HYLS1: variants seen among roughly 807,000 people sequenced by gnomAD.
HYLS1 encodes HYLS1 centriolar and ciliogenesis associated.
A neutral mutation model predicts 29.4 loss-of-function variants in HYLS1; 25 were observed. The observed-to-expected ratio is 0.85, with a 90% CI of 0.62 to 1.19. HYLS1 has a LOEUF of 1.19. Among genes scored for constraint, HYLS1 ranks in the 50% most tolerant of loss-of-function variants. The pLI, the probability that HYLS1 is intolerant of heterozygous loss-of-function variation, is 0.00. For missense variants in HYLS1, 352 were observed against 365.1 expected (o/e 0.96, Z 0.29); for synonymous variants, 128 against 126.7 (o/e 1.01, Z -0.07).
chr11:125,900,073 G>A lies in HYLS1; in HGVS notation c.705G>A (p.Lys235=). The change falls in exon 3 of 3, where the codon AAG becomes AAA. Residue 235 remains lysine, a synonymous_variant. Coordinates refer to ENST00000425380, the MANE Select transcript of HYLS1 (RefSeq NM_001134793.2). ...SIRLPGEDHR[K]ELRWGVREQM... is the part of the protein sequence containing the mutation. ...GTTTACCTGGTGAAGATCATAGAAA[G>A]GAATTACGCTGGGGTGTCCGAGAGC... The A allele has an allele frequency of 6.2e-7, 1 of 1,614,194 alleles. No homozygotes were observed. The highest frequency in any genetic ancestry group is 2.2e-5 in the East Asian group (1 of 44,884).
At chr11:125,894,055 C>T in intron 2 of HYLS1, 1 of 1,614,180 alleles carries the variant, frequency 6.2e-7, no homozygotes. Flanking sequence ...TGACAGAGGG[C>T]TTAACATTTC....
chr11:125,890,477 AC>A (rs1225214499), intron 1 of HYLS1, among the ~76,000 whole-genome samples: 4 of 152,004 alleles, frequency 2.6e-5, no homozygotes, highest in African/African-American at 9.7e-5. Flanking sequence ...CTGCTTGCTT[AC>A]CTCCCCAGAG....
chr11:125,895,770 C>T lies in HYLS1; in HGVS notation c.-25-3574C>T, dbSNP rs755362051. 8 of 1,601,820 alleles carry T rather than the reference C, an allele frequency of 5.0e-6. No homozygotes were observed. The highest frequency in any genetic ancestry group is 4.5e-5 in the East Asian group (2 of 44,878). On this transcript the variant is annotated intron_variant, in intron 2 of 2. Coordinates refer to ENST00000425380, the MANE Select transcript of HYLS1 (RefSeq NM_001134793.2). ...ATCCCTGCCCCTTGGAAACTGAGAG[C>T]GAAGGTCAAGTGAGATCACCTGTGG...
Position 125,900,467 on chromosome 11 carries a change from G to T in HYLS1, c.*199G>T. 1 of 584,362 alleles carries T rather than the reference G, an allele frequency of 1.7e-6. No individual in the cohort carries two copies. The highest frequency in any genetic ancestry group is 3.1e-5 in the East Asian group (1 of 32,526). The allele number at this position is 584,362 out of a possible 1,614,324, so 36.2% of individuals were successfully genotyped here. A position where few individuals can be genotyped will look rare whatever the true frequency, so the allele number is the denominator to read the frequency against. On this transcript the variant is annotated 3_prime_UTR_variant, in exon 3 of 3. Transcript: ENST00000425380. ...AAATTGCCACTCAAATCCAGCAATT[G>T]CAAGATAAATCATATCAGAGAAAGA...
At position 125,887,735 on chromosome 11, in the gene HYLS1, G is replaced by A. The variant is rs1237040514; in HGVS notation, c.-106G>A. ...GTGCTCTGCTGGCGACTGGCAGGAC[G>A]CGGTGCAGAGAGCGGACTTCCGCGA... On this transcript the variant is annotated 5_prime_UTR_variant, in exon 1 of 3. Transcript: ENST00000425380. 3 of 152,294 alleles carry A rather than the reference G, an allele frequency of 2.0e-5. No individual in the cohort carries two copies. Among genetic ancestry groups the A allele is most frequent in the African/African-American group, 2.4e-5 (1 of 41,482 alleles). 9.4% of individuals were successfully genotyped at this position (152,294 alleles called of 1,614,324 possible).
At chr11:125,893,843 T>A (rs1174425476) in intron 2 of HYLS1, 2 of 1,614,086 alleles carry the variant, frequency 1.2e-6, no homozygotes, top group Admixed American at 3.3e-5. Context: ...TGTCTCCAAA[T>A]TAGTATTCTC....
chr11:125,894,407 G>T, intron 2 of HYLS1: 1 of 709,754 alleles, frequency 1.4e-6, no homozygotes, highest in Non-Finnish European at 2.3e-6. Flanking sequence ...TGTTAATATT[G>T]CCTAATAGCT....
chr11:125,896,326 C>T (rs1197325435), intron 2 of HYLS1: 1 of 1,535,390 alleles, frequency 6.5e-7, no homozygotes, highest in African/African-American at 1.4e-5. Context: ...ACAGGTCTGC[C>T]CTGTCTGAAA....
chr11:125,895,594 C>T, intron 2 of HYLS1: 1 of 1,614,232 alleles, frequency 6.2e-7, no homozygotes, highest in South Asian at 1.1e-5. Flanking sequence ...TAAGTCCGCT[C>T]AAGGCAGCTG....
intron 1 of HYLS1, among the ~76,000 whole-genome samples, chr11:125,889,655 T>C (rs1944374820): frequency 6.6e-6 from 1 of 152,086 alleles, no homozygotes; most frequent in South Asian, 2.1e-4. Flanking sequence ...GAGAATCGCT[T>C]GAACCTGAGA....
intron 1 of HYLS1, among the ~76,000 whole-genome samples, chr11:125,889,861 GA>G (rs1360010454): frequency 1.3e-5 from 2 of 152,166 alleles, no homozygotes; most frequent in African/African-American, 4.8e-5. Context: ...ACCGGGTACT[GA>G]AAAAATCTTA....
At chr11:125,888,518 C>T (rs1944350107) in intron 1 of HYLS1, among the ~76,000 whole-genome samples, 1 of 152,040 alleles carries the variant, frequency 6.6e-6, no homozygotes, top group Non-Finnish European at 1.5e-5. Context: ...CCTGTTACCC[C>T]AGCACTTTGG....
rs762940179 is a variant in HYLS1, at chr11:125,889,299, TTCATAA to T, written c.-76+1541_-76+1546del. On this transcript the variant is annotated intron_variant, in intron 1 of 2. Coordinates refer to ENST00000425380, the MANE Select transcript of HYLS1 (RefSeq NM_001134793.2). ...CTAATGTACATTTGTTTCCAGTCTC[TTCATAA>T]TCATAAAATGGTATGGTAGTGGTCA... Among the ~76,000 whole-genome samples, 369 of 152,306 alleles carry T rather than the reference TTCATAA, an allele frequency of 2.4e-3. 1 individual carries two copies. Among genetic ancestry groups the T allele is most frequent in the Non-Finnish European group, 3.7e-3 (249 of 68,016 alleles).
chr11:125,892,943 G>T (rs1197944301), intron 2 of HYLS1, among the ~76,000 whole-genome samples: 1 of 152,192 alleles, frequency 6.6e-6, no homozygotes, highest in Non-Finnish European at 1.5e-5. Context: ...GAATTGAGCT[G>T]CCTGAATGCA....
At chr11:125,888,774 AAAAAAAAAAAAAAG>A (rs1944356071) in intron 1 of HYLS1, among the ~76,000 whole-genome samples, 1 of 116,154 alleles carries the variant, frequency 8.6e-6, no homozygotes, top group East Asian at 2.8e-4. Flanking sequence ...TGTCTCAAAA[AAAAAAAAAAAAAAG>A]AGAAAAGAAA....
At chr11:125,893,646 G>T in intron 2 of HYLS1, 3 of 675,786 alleles carry the variant, frequency 4.4e-6, no homozygotes, top group Non-Finnish European at 7.1e-6. Flanking sequence ...CCTTAATAGG[G>T]CTTTAGTCTT....
intron 2 of HYLS1, among the ~76,000 whole-genome samples, chr11:125,892,841 TC>T (rs1262410255): frequency 6.6e-6 from 1 of 152,204 alleles, no homozygotes; most frequent in Non-Finnish European, 1.5e-5. Context: ...CCCTGCAAAA[TC>T]TAAGCTTTTT....
intron 2 of HYLS1, among the ~76,000 whole-genome samples, chr11:125,897,721 T>G (rs1171293364): frequency 6.6e-6 from 1 of 152,244 alleles, no homozygotes; most frequent in Non-Finnish European, 1.5e-5. Flanking sequence ...TATACCACTT[T>G]GGAGAGGGAA....
upstream of HYLS1, chr11:125,884,095 T>A (rs2134221070): frequency 6.6e-6 from 1 of 152,148 alleles, no homozygotes; most frequent in African/African-American, 2.4e-5. Context: ...ACAGGGCCAA[T>A]AACCTGGTTC....
Sources: allele counts gnomAD v4.1 joint callset (sites outside exome capture counted in the v4.1 genomes callset), GRCh38; gene constraint gnomAD v4.1.1; transcripts MANE v1.5; gene names NCBI Gene and HGNC (gene_info 2026-07-23, HGNC 2026-07-21).